RYR1: variants seen among roughly 807,000 people sequenced by gnomAD.
The protein encoded by RYR1 is ryanodine receptor 1.
Under a neutral mutation model 583.5 loss-of-function variants are expected in RYR1, and 342 were observed. That is an observed-to-expected ratio of 0.59 (90% CI 0.54 to 0.64). RYR1 has a LOEUF of 0.64. Ranked by LOEUF, RYR1 falls within the 30% of genes least tolerant of loss-of-function variation. The pLI, the probability that RYR1 is intolerant of heterozygous loss-of-function variation, is 0.00. For missense variants in RYR1, 6,032 were observed against 6,917.2 expected (o/e 0.87, Z 4.54); for synonymous variants, 2,791 against 2,822.5 (o/e 0.99, Z 0.35).
chr19:38,477,331 C>CAG (rs1968784572), intron 29 of RYR1, among the ~76,000 whole-genome samples: 1 of 152,004 alleles, frequency 6.6e-6, no homozygotes, highest in Admixed American at 6.5e-5. Context: ...TTAGTAGAGA[C>CAG]AGAGTTTCAC....
chr19:38,501,013 G>C lies in RYR1; in HGVS notation c.7614+23G>C, dbSNP rs756447487. ...ACGGTGAGCAACCCTGCCCAGCCTG[G>C]CCACCCTCCCCACTTCCACAGAGGG... On this transcript the variant is annotated intron_variant, in intron 47 of 105. Coordinates refer to ENST00000359596, the MANE Select transcript of RYR1 (RefSeq NM_000540.3). 5 of 1,609,724 alleles carry C rather than the reference G, an allele frequency of 3.1e-6. No homozygotes were observed. In the African/African-American group the frequency reaches 4.0e-5, roughly 13 times the overall value.
At chr19:38,486,737 C>G (rs1274203898) in intron 34 of RYR1, among the ~76,000 whole-genome samples, 5 of 152,152 alleles carry the variant, frequency 3.3e-5, no homozygotes, top group African/African-American at 1.2e-4. Context: ...GTTTATTCAT[C>G]TCTTCTTTCT....
At chr19:38,581,899 C>T (rs549874523) in intron 101 of RYR1, among the ~76,000 whole-genome samples, 3 of 152,268 alleles carry the variant, frequency 2.0e-5, no homozygotes, top group East Asian at 1.9e-4. Context: ...TGAGCAACTG[C>T]ACCCGGCCTT....
Position 38,480,458 on chromosome 19 carries a change from A to G in RYR1, c.4620+1858A>G, listed in dbSNP as rs1568478076. ...TGCGCCTGGCTTGTTTCATCTTTTT[A>G]TATCTACTTCCCTTCCACACCCACT... On this transcript the variant is annotated intron_variant, in intron 31 of 105. Coordinates refer to ENST00000359596, the MANE Select transcript of RYR1 (RefSeq NM_000540.3). Among the ~76,000 whole-genome samples the G allele has an allele frequency of 4.6e-5, 7 of 152,246 alleles. No individual in the cohort carries two copies. The South Asian group carries it at 1.5e-3, about 32-fold the overall frequency.
chr19:38,586,911 C>A (rs1453525332), intron 105 of RYR1, among the ~76,000 whole-genome samples: 1 of 152,018 alleles, frequency 6.6e-6, no homozygotes, highest in African/African-American at 2.4e-5. Context: ...GCAGAAGTTG[C>A]AGTGAGCCAA....
rs549905192 is a variant in RYR1 at position 38,536,639 on chromosome 19, G to A, written c.11591-111G>A. On this transcript the variant is annotated intron_variant, in intron 82 of 105. Transcript: ENST00000359596. ...GTGGGTTGTTCCTCTCTCTCTGTGTGTCTTTCTGTGTCTCTGTCCCTGACT... is the reference window on the plus strand; with the variant it reads ...GTGGGTTGTTCCTCTCTCTCTGTGTATCTTTCTGTGTCTCTGTCCCTGACT... The A allele has an allele frequency of 1.7e-3, 2,094 of 1,257,794 alleles. 5 individuals carry two copies. Among genetic ancestry groups the A allele is most frequent in the South Asian group, 2.4e-3 (190 of 79,564 alleles). 77.9% of individuals were successfully genotyped at this position (1,257,794 alleles called of 1,614,324 possible).
chr19:38,579,077 C>T (rs1416535568), intron 99 of RYR1, among the ~76,000 whole-genome samples: 2 of 151,994 alleles, frequency 1.3e-5, no homozygotes, highest in African/African-American at 4.8e-5. Flanking sequence ...GCTGCATGTG[C>T]ACCACTGCAC....
chr19:38,440,815 A>G lies in RYR1; in HGVS notation c.116A>G (p.Glu39Gly), dbSNP rs1600630863. 6.2e-7 allele frequency: 1 copy of G among 1,609,600 alleles called. No individual in the cohort carries two copies. Among genetic ancestry groups the G allele is most frequent in the Non-Finnish European group, 8.5e-7 (1 of 1,178,784 alleles). The part of the protein sequence containing the change: ...KEQLKLCLAA[E>G]GFGNRLCFLE... ...CAGCTCAAGCTCTGCCTGGCCGCCG[A>G]GGGCTTCGGCAACCGCCTGTGCTTC... The change falls in exon 2 of 106, where the codon GAG (glutamate) becomes GGG (glycine). Residue 39 changes from glutamate to glycine, a missense_variant. Transcript: ENST00000359596.
intron 81 of RYR1, 23 bp from the exon 82 acceptor site, chr19:38,535,973 CT>C (rs772039406): frequency 1.2e-6 from 2 of 1,610,266 alleles, no homozygotes; most frequent in Non-Finnish European, 1.7e-6. Flanking sequence ...CACATACCCC[CT>C]ATCTTTCCTT....
Position 38,490,641 on chromosome 19 carries a change from C to A in RYR1, c.6036C>A (p.Phe2012Leu). 1 of 1,612,054 alleles carries A rather than the reference C, an allele frequency of 6.2e-7. No individual in the cohort carries two copies. Among genetic ancestry groups the A allele is most frequent in the Non-Finnish European group, 8.5e-7 (1 of 1,178,174 alleles). ...PQEQINMLLQ[F>L]KDGTDEEDCP... ...CCTAGATCAATATGCTATTGCAATT[C>A]AAAGATGGTACAGATGAGGAAGACT... The change falls in exon 37 of 106, where the codon TTC becomes TTA. Residue 2012 changes from phenylalanine to leucine, a missense_variant. Physicochemically the swap from Phe to Leu is conservative, Grantham distance 22 (BLOSUM62 0). Coordinates refer to ENST00000359596, the MANE Select transcript of RYR1 (RefSeq NM_000540.3).
chr19:38,493,666 C>T (rs574874763), intron 38 of RYR1, among the ~76,000 whole-genome samples: 28 of 152,012 alleles, frequency 1.8e-4, no homozygotes, highest in Non-Finnish European at 2.6e-4. Context: ...ACTACAGGCG[C>T]GCAGCACCAT....
At chr19:38,473,828 G>A in intron 28 of RYR1, 57 bp downstream of exon 28, 1 of 1,311,656 alleles carries the variant, frequency 7.6e-7, no homozygotes, top group Non-Finnish European at 1.0e-6. Context: ...CCCCCAAGTA[G>A]GCAACCACAG....
Position 38,523,031 on chromosome 19 carries a change from G to T in RYR1, c.10263G>T (p.Ala3421=). 6.3e-7 allele frequency: 1 copy of T among 1,593,838 alleles called. No individual in the cohort carries two copies. Among genetic ancestry groups the T allele is most frequent in the Non-Finnish European group, 8.5e-7 (1 of 1,171,686 alleles). The part of the protein sequence containing the change: ...LLIRYVDNNR[A]QWLTEPNPSA... ...ACCTCCCCTCCGCTGACCCCAGGGC[G>T]CAGTGGCTGACGGAGCCGAATCCCA... The change falls in exon 68 of 106, where the codon GCG becomes GCT. Residue 3421 remains alanine (A), a synonymous_variant. Transcript: ENST00000359596.
At chr19:38,524,826 A>G (rs568589827) in intron 70 of RYR1, among the ~76,000 whole-genome samples, 1 of 151,740 alleles carries the variant, frequency 6.6e-6, no homozygotes, top group South Asian at 2.1e-4. Flanking sequence ...TGGGATGTGA[A>G]GTGTGGGGTT....
chr19:38,537,263 C>T lies in RYR1; in HGVS notation c.11608+496C>T, dbSNP rs1972014548. 3.6e-5 allele frequency: 8 copies of T among 225,010 alleles called. No individual in the cohort carries two copies. The South Asian group carries it at 5.7e-4, about 16-fold the overall frequency. The allele number at this position is 225,010 out of a possible 1,614,324, so 13.9% of individuals were successfully genotyped here. The stretch of plus-strand genomic sequence containing the variant: ...TCTGCGCCTGCCTCCTCTGTGCCTG[C>T]TCTGGTTGGCCCATTTGCGGTCTAG... On this transcript the variant is annotated intron_variant, in intron 83 of 105. Transcript: ENST00000359596.
chr19:38,512,188 C>G lies in RYR1; in HGVS notation c.9233+56C>G. The G allele has an allele frequency of 6.2e-7, 1 of 1,613,948 alleles. No homozygotes were observed. Among genetic ancestry groups the G allele is most frequent in the East Asian group, 2.2e-5 (1 of 44,892 alleles). Reference sequence around the variant, plus strand: ...ACCATCATCGGGCCCCCACCCCAACCCCTGGTCTCCTAGACTCTCCGATTC... The same window carrying G: ...ACCATCATCGGGCCCCCACCCCAACGCCTGGTCTCCTAGACTCTCCGATTC... On this transcript the variant is annotated intron_variant, in intron 62 of 105. Coordinates refer to ENST00000359596, the MANE Select transcript of RYR1 (RefSeq NM_000540.3). The surrounding 1 kb of genome is among the most constrained non-coding windows in gnomAD (Gnocchi z 5.1).
intron 96 of RYR1, among the ~76,000 whole-genome samples, chr19:38,573,962 C>T (rs992829658): frequency 6.6e-6 from 1 of 151,968 alleles, no homozygotes; most frequent in Non-Finnish European, 1.5e-5. Flanking sequence ...AAAACATGGC[C>T]AGGCACGATG....
Position 38,508,716 on chromosome 19 carries a change from C to T in RYR1, c.8932+889C>T, listed in dbSNP as rs191131394. On this transcript the variant is annotated intron_variant, in intron 58 of 105. Transcript: ENST00000359596. ...TGCCCTGTAGCTGAAGCAGAGTCAT[C>T]GAGGGGGACGGTGAGATAAACGAGG... Among the ~76,000 whole-genome samples the T allele has an allele frequency of 5.8e-4, 88 of 152,126 alleles. No individual in the cohort carries two copies. In the East Asian group the frequency reaches 0.012, roughly 20 times the overall value.
At chr19:38,489,082 G>A in intron 34 of RYR1, 95 bp from the exon 35 acceptor site, 3 of 1,060,554 alleles carry the variant, frequency 2.8e-6, no homozygotes, top group Non-Finnish European at 4.4e-6. Context: ...GGAATGATTG[G>A]CATGTGCATG....
Sources: allele counts gnomAD v4.1 joint callset (sites outside exome capture counted in the v4.1 genomes callset), GRCh38; gene constraint gnomAD v4.1.1; non-coding constraint Gnocchi (gnomAD v3.1); transcripts MANE v1.5; gene names NCBI Gene and HGNC (gene_info 2026-07-23, HGNC 2026-07-21).